Variants in KIT observed in about 807,000 individuals in gnomAD.
KIT encodes the protein mast/stem cell growth factor receptor Kit.
In KIT, 16 loss-of-function variants were observed where a neutral mutation model predicts 105.7. The observed-to-expected ratio is 0.15, with a 90% CI of 0.10 to 0.23. The LOEUF (loss-of-function observed/expected upper bound fraction) is 0.23. Ranked by LOEUF, KIT falls within the 10% of genes least tolerant of loss-of-function variation. The pLI, the probability that KIT is intolerant of heterozygous loss-of-function variation, is 1.00. For synonymous variants in KIT, 438 were observed against 441.1 expected, an observed-to-expected ratio of 0.99 and a Z score of 0.09; for missense variants, 858 against 1,213.8, an observed-to-expected ratio of 0.71 and a Z score of 4.36.
intron 8 of KIT, among the ~76,000 whole-genome samples, chr4:54,724,144 C>T (rs1722073021): frequency 6.6e-6 from 1 of 152,168 alleles, no homozygotes; most frequent in African/African-American, 2.4e-5. Flanking sequence ...CAAGCGACCG[C>T]TTTTAAAAAG....
chr4:54,722,086 A>G (rs1025019283), intron 7 of KIT, among the ~76,000 whole-genome samples: 1 of 152,208 alleles, frequency 6.6e-6, no homozygotes, highest in African/African-American at 2.4e-5. Flanking sequence ...CCTGGGTTCA[A>G]GCCATCCTCC....
At chr4:54,693,385 C>A (rs562594143) in intron 1 of KIT, among the ~76,000 whole-genome samples, 77 of 152,306 alleles carry the variant, frequency 5.1e-4, no homozygotes, top group African/African-American at 1.8e-3. Context: ...TCTCATGACC[C>A]TTTCCTACAC....
chr4:54,740,005 T>C lies in KIT; in HGVS notation c.*1448T>C, dbSNP rs989255775. The C allele has an allele frequency of 4.3e-6, 1 of 233,602 alleles. No individual in the cohort carries two copies. The highest frequency in any genetic ancestry group is 1.8e-4 in the South Asian group (1 of 5,520). 14.5% of individuals were successfully genotyped at this position (233,602 alleles called of 1,614,324 possible). A position where few individuals can be genotyped will look rare whatever the true frequency, so the allele number is the denominator to read the frequency against. ...TAGACTGTAGCCTGGATATTATTCT[T>C]GTAGTTTACCTCTTTAAAAACAAAA... On this transcript the variant is annotated 3_prime_UTR_variant, in exon 21 of 21. Coordinates refer to ENST00000288135, the MANE Select transcript of KIT (RefSeq NM_000222.3).
At position 54,738,479 on chromosome 4, in the gene KIT, A is replaced by G. The variant is rs1219291043; in HGVS notation, c.2853A>G (p.Val951=). The G allele has an allele frequency of 6.2e-7, 1 of 1,613,986 alleles. No homozygotes were observed. The highest frequency in any genetic ancestry group is 8.5e-7 in the Non-Finnish European group (1 of 1,180,000). The change falls in exon 21 of 21, where the codon GTA becomes GTG. Residue 951 remains valine, a synonymous_variant. Coordinates refer to ENST00000288135, the MANE Select transcript of KIT (RefSeq NM_000222.3). The stretch of plus-strand genomic sequence containing the variant: ...GCCCCAACCGACAGAAGCCCGTGGT[A>G]GACCATTCTGTGCGGATCAATTCTG... ...NCSPNRQKPV[V]DHSVRINSVG...
intron 1 of KIT, among the ~76,000 whole-genome samples, chr4:54,680,682 C>T (rs1184611517): frequency 5.3e-5 from 8 of 152,064 alleles, no homozygotes; most frequent in Non-Finnish European, 7.4e-5. Context: ...TATGAGCCAC[C>T]GTGCCGGCCT....
chr4:54,694,327 A>T (rs1719910310), intron 1 of KIT, among the ~76,000 whole-genome samples: 1 of 151,964 alleles, frequency 6.6e-6, no homozygotes, highest in Non-Finnish European at 1.5e-5. Flanking sequence ...AGTAAACCTC[A>T]TAGCTATGTT....
intron 7 of KIT, among the ~76,000 whole-genome samples, chr4:54,713,261 CT>C (rs1310329615): frequency 6.6e-5 from 10 of 152,076 alleles, no homozygotes; most frequent in Admixed American, 5.9e-4. Flanking sequence ...CCTCACCCCC[CT>C]CCCACCCTTC....
chr4:54,690,792 G>A (rs1719654215), intron 1 of KIT, among the ~76,000 whole-genome samples: 2 of 151,982 alleles, frequency 1.3e-5, no homozygotes, highest in African/African-American at 4.8e-5. Context: ...CTCTTAATAC[G>A]AACCTCTACT....
Position 54,740,380 on chromosome 4 carries a change from A to G in KIT, c.*1823A>G. On this transcript the variant is annotated 3_prime_UTR_variant, in exon 21 of 21. Transcript: ENST00000288135. ...TTAGTTATAGATGTCTAGGTACTTC[A>G]GGGGCACTTCATTGAGAGTTTTGTC... The G allele has an allele frequency of 4.3e-6, 1 of 233,520 alleles. No individual in the cohort carries two copies. 14.5% of individuals were successfully genotyped at this position (233,520 alleles called of 1,614,324 possible). A position where few individuals can be genotyped will look rare whatever the true frequency, so the allele number is the denominator to read the frequency against.
chr4:54,731,825 A>T (rs1722614746), intron 15 of KIT, 46 bp from the exon 16 acceptor site: 1 of 1,606,430 alleles, frequency 6.2e-7, no homozygotes, highest in South Asian at 1.1e-5. Flanking sequence ...TCCTTTCCTG[A>T]CCTTTATGGT....
At chr4:54,722,891 A>T (rs1055278707) in intron 7 of KIT, among the ~76,000 whole-genome samples, 1 of 101,686 alleles carries the variant, frequency 9.8e-6, no homozygotes, top group Non-Finnish European at 1.8e-5. Context: ...ATATGTATTT[A>T]TATATATATA....
At position 54,739,001 on chromosome 4, in the gene KIT, A is replaced by G. The variant is rs1254443960; in HGVS notation, c.*444A>G. ...CTAAGTCCTTTATGTGGAAAACAGA[A>G]CATCATTAGAACAAAGGACAGAGTA... On this transcript the variant is annotated 3_prime_UTR_variant, in exon 21 of 21. Coordinates refer to ENST00000288135, the MANE Select transcript of KIT (RefSeq NM_000222.3). 6.0e-6 allele frequency: 3 copies of G among 496,022 alleles called. No individual in the cohort carries two copies. Among genetic ancestry groups the G allele is most frequent in the African/African-American group, 5.8e-5 (3 of 51,894 alleles). 30.7% of individuals were successfully genotyped at this position (496,022 alleles called of 1,614,324 possible).
At position 54,678,334 on chromosome 4, in the gene KIT, TTCCTTCCTTCCTTCCTTCCC is replaced by T. The variant is rs1267100911; in HGVS notation, c.68-17174_68-17155del. On this transcript the variant is annotated intron_variant, in intron 1 of 20. Coordinates refer to ENST00000288135, the MANE Select transcript of KIT (RefSeq NM_000222.3). Reference sequence around the variant, plus strand: ...CTTCCTTCCTTCCTTCCTTCCTTCCTTCCTTCCTTCCTTCCTTCCCTCCCTCCCTCCCTCCCTCCCTCCCC... The same window carrying T: ...CTTCCTTCCTTCCTTCCTTCCTTCCTTCCCTCCCTCCCTCCCTCCCTCCCC... Among the ~76,000 whole-genome samples the T allele has an allele frequency of 8.5e-3, 834 of 98,498 alleles. 9 individuals are homozygous for T. The highest frequency in any genetic ancestry group is 0.011 in the African/African-American group (219 of 19,126). The allele number at this position is 98,498 out of a possible 152,430, so 64.6% of individuals were successfully genotyped here.
intron 1 of KIT, among the ~76,000 whole-genome samples, chr4:54,676,498 T>TA (rs1195056684): frequency 2.0e-5 from 3 of 152,258 alleles, no homozygotes; most frequent in South Asian, 4.1e-4. Context: ...CTAAGAAAGA[T>TA]AGATATGAGT....
At chr4:54,727,955 C>T (rs2109780654) in intron 12 of KIT, 28 bp downstream of exon 12, 1 of 1,611,052 alleles carries the variant, frequency 6.2e-7, no homozygotes. Context: ...ACTGCATGCG[C>T]TTGACATCAG....
intron 1 of KIT, among the ~76,000 whole-genome samples, chr4:54,676,432 C>T (rs1718472770): frequency 6.6e-6 from 1 of 152,198 alleles, no homozygotes; most frequent in Non-Finnish European, 1.5e-5. Flanking sequence ...TTCTTCAATT[C>T]TCTTAATGTC....
Position 54,731,896 on chromosome 4 carries a change from T to C in KIT, c.2259T>C (p.Thr753=), listed in dbSNP as rs764287169. Residue 753 remains threonine (T), a synonymous_variant, in exon 16 of 21, where the codon ACT becomes ACC. Transcript: ENST00000288135. ...GCTCATACATAGAAAGAGATGTGAC[T>C]CCCGCCATCATGGAGGATGACGAGT... ...RIGSYIERDV[T]PAIMEDDELA... 92 of 1,613,412 alleles carry C rather than the reference T, an allele frequency of 5.7e-5. No individual in the cohort carries two copies. The highest frequency in any genetic ancestry group is 1.6e-4 in the Middle Eastern group (1 of 6,080).
intron 1 of KIT, among the ~76,000 whole-genome samples, chr4:54,672,344 C>G (rs1718171783): frequency 6.6e-6 from 1 of 151,316 alleles, no homozygotes; most frequent in African/African-American, 2.4e-5. Context: ...GTGGTGTGTT[C>G]TCTTGTTCTG....
rs139176449 is a variant in KIT, at chr4:54,660,616, G to A, written c.67+2535G>A. Reference sequence around the variant, plus strand: ...GTACATAGTTGTTGCTCTTCAGTTGGAAACTGTGTGCCAGGCCTTTTGCTT... The same window carrying A: ...GTACATAGTTGTTGCTCTTCAGTTGAAAACTGTGTGCCAGGCCTTTTGCTT... On this transcript the variant is annotated intron_variant, in intron 1 of 20. Coordinates refer to ENST00000288135, the MANE Select transcript of KIT (RefSeq NM_000222.3). Among the ~76,000 whole-genome samples, 1,141 of 152,214 alleles carry A rather than the reference G, an allele frequency of 7.5e-3. 8 individuals carry two copies. The highest frequency in any genetic ancestry group is 0.01 in the Admixed American group (153 of 15,296).
Sources: gnomAD v4.1 joint callset for allele counts (sites outside exome capture counted in the v4.1 genomes callset) on GRCh38, gnomAD v4.1.1 for gene constraint, MANE v1.5 for transcripts, NCBI Gene and HGNC (gene_info 2026-07-23, HGNC 2026-07-21) for gene names.